HHAT: variants seen among roughly 807,000 people sequenced by gnomAD.
HHAT encodes the protein hedgehog acyltransferase.
In HHAT, 47 loss-of-function variants were observed where a neutral mutation model predicts 70.8. The ratio of observed to expected loss-of-function variants is 0.66; its 90% confidence interval spans 0.53 to 0.85. The LOEUF is 0.85. Ranked by LOEUF, HHAT falls within the 40% of genes least tolerant of loss-of-function variation. HHAT has a pLI of 0.00. For synonymous variants in HHAT, 228 were observed against 247.6 expected (o/e 0.92, Z 0.74); for missense variants, 609 against 604.8 (o/e 1.01, Z -0.07).
intron 1 of HHAT, among the ~76,000 whole-genome samples, chr1:210,341,797 G>C (rs2086064579): frequency 6.6e-6 from 1 of 152,142 alleles, no homozygotes; most frequent in Non-Finnish European, 1.5e-5. Context: ...ATAATTCCCA[G>C]ATAAATATAT....
chr1:210,333,274 A>G (rs2085160525), intron 1 of HHAT, among the ~76,000 whole-genome samples: 1 of 152,120 alleles, frequency 6.6e-6, no homozygotes, highest in African/African-American at 2.4e-5. Flanking sequence ...TTGTATTTGC[A>G]GCCACTCCCC....
intron 9 of HHAT, among the ~76,000 whole-genome samples, chr1:210,532,876 G>A (rs1323300890): frequency 6.6e-6 from 1 of 152,182 alleles, no homozygotes; most frequent in African/African-American, 2.4e-5. Flanking sequence ...AGAGTCCTAG[G>A]GGGCAATGTG....
intron 7 of HHAT, among the ~76,000 whole-genome samples, chr1:210,443,003 T>C (rs2093557042): frequency 6.6e-6 from 1 of 152,242 alleles, no homozygotes; most frequent in Non-Finnish European, 1.5e-5. Flanking sequence ...TTTAAGTCTT[T>C]AATCCATCTT....
intron 8 of HHAT, among the ~76,000 whole-genome samples, chr1:210,495,237 A>G (rs1258290684): frequency 6.6e-6 from 1 of 150,970 alleles, no homozygotes; most frequent in Non-Finnish European, 1.5e-5. Flanking sequence ...CATCTATAAT[A>G]TATAATACAT....
intron 11 of HHAT, among the ~76,000 whole-genome samples, chr1:210,629,839 T>G (rs935122272): frequency 2.8e-5 from 3 of 107,420 alleles, no homozygotes; most frequent in Admixed American, 1.0e-4. Context: ...TTTTTTTTTG[T>G]TTTTTGTTTT....
intron 10 of HHAT, among the ~76,000 whole-genome samples, chr1:210,610,684 T>A (rs200408144): frequency 1.2e-5 from 1 of 81,142 alleles, no homozygotes; most frequent in East Asian, 1.5e-3. Context: ...CTTGAATTAA[T>A]TTTTTATATG....
chr1:210,466,692 A>G (rs931033879), intron 8 of HHAT, among the ~76,000 whole-genome samples: 4 of 152,182 alleles, frequency 2.6e-5, no homozygotes, highest in African/African-American at 9.7e-5. Flanking sequence ...ATACCAACCC[A>G]CTGTGTCACC....
In HHAT at chr1:210,465,389, C is replaced by G. The variant is rs944180327; in HGVS notation, c.1007+734C>G. On this transcript the variant is annotated intron_variant, in intron 8 of 11. Coordinates refer to ENST00000261458, the MANE Select transcript of HHAT (RefSeq NM_018194.6). ...GGACTTGTTGCTGTGTTCCTCTTAT[C>G]GCTTCCAGAGTGTAACAAGTGACAG... 2.6e-5 allele frequency among the ~76,000 whole-genome samples: 4 copies of G among 152,136 alleles called. No individual in the cohort carries two copies. In the East Asian group the frequency reaches 7.7e-4, roughly 29 times the overall value.
At chr1:210,625,529 T>C (rs1228611801) in intron 11 of HHAT, among the ~76,000 whole-genome samples, 1 of 152,118 alleles carries the variant, frequency 6.6e-6, no homozygotes, top group African/African-American at 2.4e-5. Flanking sequence ...GATGTATGAG[T>C]GAGTTACTGG....
chr1:210,373,730 TC>T (rs999657270), intron 3 of HHAT, among the ~76,000 whole-genome samples: 370 of 152,148 alleles, frequency 2.4e-3, no homozygotes, highest in African/African-American at 8.5e-3. Flanking sequence ...ATTGATGGAG[TC>T]CTTTAAGGAG....
At chr1:210,381,121 AC>A (rs1572034735) in intron 3 of HHAT, among the ~76,000 whole-genome samples, 1 of 152,080 alleles carries the variant, frequency 6.6e-6, no homozygotes. Flanking sequence ...AGCATATAGT[AC>A]GGGGAGGAAA....
At chr1:210,417,038 TACA>T (rs1286709288) in intron 6 of HHAT, among the ~76,000 whole-genome samples, 1 of 152,178 alleles carries the variant, frequency 6.6e-6, no homozygotes, top group Non-Finnish European at 1.5e-5. Flanking sequence ...AAATTCCTTT[TACA>T]ACAACATCAA....
intron 3 of HHAT, among the ~76,000 whole-genome samples, chr1:210,373,276 G>GC (rs1480219967): frequency 6.6e-6 from 1 of 152,146 alleles, no homozygotes; most frequent in Non-Finnish European, 1.5e-5. Context: ...TTGAATAGTG[G>GC]CGGGATCTGA....
intron 10 of HHAT, among the ~76,000 whole-genome samples, chr1:210,621,391 T>C (rs1668801786): frequency 1.3e-5 from 2 of 152,164 alleles, no homozygotes; most frequent in Admixed American, 1.3e-4. Flanking sequence ...GTCTTGTTAG[T>C]AACCGCAGTA....
intron 10 of HHAT, among the ~76,000 whole-genome samples, chr1:210,594,950 G>A (rs10746429): frequency 0.8 from 121,294 of 151,422 alleles, 49,411 homozygotes; most frequent in East Asian, 0.95. Context: ...CTTTGCTCTC[G>A]TTGCTTTTCA....
chr1:210,379,099 A>T (rs927585133), intron 3 of HHAT, among the ~76,000 whole-genome samples: 7 of 152,234 alleles, frequency 4.6e-5, no homozygotes, highest in Admixed American at 6.5e-5. Flanking sequence ...TGTACACAAC[A>T]TCTGCTGCCA....
intron 9 of HHAT, among the ~76,000 whole-genome samples, chr1:210,522,398 A>T (rs1448909538): frequency 6.6e-6 from 1 of 152,238 alleles, no homozygotes; most frequent in African/African-American, 2.4e-5. Context: ...AAGTGTTTTA[A>T]ATAAAAAGTG....
At chr1:210,618,287 G>T (rs916654561) in intron 10 of HHAT, among the ~76,000 whole-genome samples, 1 of 152,036 alleles carries the variant, frequency 6.6e-6, no homozygotes, top group Admixed American at 6.6e-5. Context: ...TGTGTCTCTT[G>T]TTGTCCCTGG....
At chr1:210,335,698 C>T (rs1382994289) in intron 1 of HHAT, among the ~76,000 whole-genome samples, 1 of 152,202 alleles carries the variant, frequency 6.6e-6, no homozygotes, top group African/African-American at 2.4e-5. Context: ...CAGTAAATGA[C>T]ACTGGGTCGA....
Sources: allele counts gnomAD v4.1 joint callset (sites outside exome capture counted in the v4.1 genomes callset), GRCh38; gene constraint gnomAD v4.1.1; transcripts MANE v1.5; gene names NCBI Gene and HGNC (gene_info 2026-07-23, HGNC 2026-07-21).